Variants in CADM2 observed in about 807,000 individuals in gnomAD.
CADM2 encodes the protein immunoglobulin superfamily member 4D.
Under a neutral mutation model 49.8 loss-of-function variants are expected in CADM2, and 12 were observed. The ratio of observed to expected loss-of-function variants is 0.24; its 90% CI spans 0.15 to 0.39. The LOEUF is 0.39. CADM2 is among the 10% of genes least tolerant of loss of function. The probability of loss-of-function intolerance (pLI) is 1.00; values close to 1 mark genes in which losing one functional copy is unlikely to be tolerated. For synonymous variants in CADM2, 214 were observed against 175.4 expected, an observed-to-expected ratio of 1.22 and a Z score of -1.74; for missense variants, 378 against 492.3, an observed-to-expected ratio of 0.77 and a Z score of 2.20.
intron 1 of CADM2, among the ~76,000 whole-genome samples, chr3:85,210,722 TG>T (rs1334888393): frequency 6.6e-6 from 1 of 151,996 alleles, no homozygotes; most frequent in Non-Finnish European, 1.5e-5. Flanking sequence ...TGTACTTTTT[TG>T]TAGAGATGAG....
At chr3:85,840,917 C>G (rs2074611545) in intron 3 of CADM2, among the ~76,000 whole-genome samples, 1 of 151,470 alleles carries the variant, frequency 6.6e-6, no homozygotes, top group African/African-American at 2.4e-5. Flanking sequence ...AAAAAGAAAA[C>G]CCAAAAAATA....
At chr3:85,416,125 G>A (rs923053768) in intron 1 of CADM2, among the ~76,000 whole-genome samples, 1 of 152,000 alleles carries the variant, frequency 6.6e-6, no homozygotes. Context: ...TGAACCTTAT[G>A]CTACAAAATA....
intron 8 of CADM2, among the ~76,000 whole-genome samples, chr3:85,964,549 T>TA (rs1282716610): frequency 6.6e-6 from 1 of 151,814 alleles, no homozygotes; most frequent in African/African-American, 2.4e-5. Context: ...CATTTTGTGT[T>TA]AGAAACACTG....
intron 3 of CADM2, among the ~76,000 whole-genome samples, chr3:85,837,192 T>C (rs2074450063): frequency 6.6e-6 from 1 of 151,568 alleles, no homozygotes; most frequent in Non-Finnish European, 1.5e-5. Flanking sequence ...CTACTTCATG[T>C]GTTATAATGT....
At chr3:86,056,980 C>T (rs1347733153) in intron 8 of CADM2, among the ~76,000 whole-genome samples, 1 of 152,058 alleles carries the variant, frequency 6.6e-6, no homozygotes, top group Non-Finnish European at 1.5e-5. Flanking sequence ...TATGATGTAG[C>T]CTTAATTTAA....
intron 3 of CADM2, among the ~76,000 whole-genome samples, chr3:85,808,845 T>A (rs1452191683): frequency 3.3e-5 from 5 of 152,084 alleles, no homozygotes; most frequent in African/African-American, 1.2e-4. Flanking sequence ...CTGGGAACAA[T>A]GGAAGAGGAA....
At chr3:86,042,988 A>G (rs2107259835) in intron 8 of CADM2, among the ~76,000 whole-genome samples, 1 of 152,336 alleles carries the variant, frequency 6.6e-6, no homozygotes, top group South Asian at 2.1e-4. Flanking sequence ...CCACTTGATT[A>G]CCTCAATAGA....
At chr3:85,206,360 T>A (rs1349842591) in intron 1 of CADM2, among the ~76,000 whole-genome samples, 1 of 149,086 alleles carries the variant, frequency 6.7e-6, no homozygotes, top group Non-Finnish European at 1.5e-5. Flanking sequence ...CAGGCTGGAG[T>A]GCAGTGGCGC....
In CADM2 at chr3:85,971,682, G is replaced by A. The variant is rs77856774; in HGVS notation, c.970+10035G>A. On this transcript the variant is annotated intron_variant, in intron 8 of 9. Coordinates refer to ENST00000383699, the MANE Select transcript of CADM2 (RefSeq NM_001167675.2). ...AAGGGCTCACAATATTGAAGTAGGC[G>A]GAGCTAAATGATATAGGATAATCCA... is the stretch of plus-strand genomic sequence containing the variant. Among the ~76,000 whole-genome samples the A allele has an allele frequency of 1.2e-4, 18 of 151,628 alleles. No homozygotes were observed. The East Asian group carries it at 2.5e-3, about 21-fold the overall frequency.
In CADM2 at chr3:85,238,406, A is replaced by G. The variant is rs72915088; in HGVS notation, c.61+278738A>G. 6.4e-3 allele frequency among the ~76,000 whole-genome samples: 980 copies of G among 152,098 alleles called. 14 individuals carry two copies. Among genetic ancestry groups the G allele is most frequent in the African/African-American group, 0.022 (915 of 41,556 alleles). On this transcript the variant is annotated intron_variant, in intron 1 of 9. Transcript: ENST00000383699. ...ACGGGAAGGAAAAGCAATTGTATAG[A>G]AAATAATCTGGAAAGCAAACAGTGT... is the stretch of plus-strand genomic sequence containing the variant.
chr3:85,826,128 T>C (rs2073896812), intron 3 of CADM2, among the ~76,000 whole-genome samples: 1 of 152,016 alleles, frequency 6.6e-6, no homozygotes, highest in South Asian at 2.1e-4. Context: ...TTTATAGAAA[T>C]TCAGCATAAT....
intron 3 of CADM2, among the ~76,000 whole-genome samples, chr3:85,868,395 TG>T (rs2075799074): frequency 6.6e-6 from 1 of 152,092 alleles, no homozygotes; most frequent in Non-Finnish European, 1.5e-5. Context: ...ATACAAATTT[TG>T]GTTAAAACAG....
At chr3:85,130,815 A>T (rs2039203131) in intron 1 of CADM2, among the ~76,000 whole-genome samples, 1 of 152,222 alleles carries the variant, frequency 6.6e-6, no homozygotes, top group African/African-American at 2.4e-5. Context: ...ATAAACTCTT[A>T]TACGTAGCGT....
intron 1 of CADM2, among the ~76,000 whole-genome samples, chr3:85,049,152 G>A (rs913618509): frequency 6.6e-6 from 1 of 152,090 alleles, no homozygotes; most frequent in African/African-American, 2.4e-5. Context: ...TCAGCATTTA[G>A]ATCATTAGCG....
At chr3:85,895,999 T>C (rs1260636603) in intron 5 of CADM2, among the ~76,000 whole-genome samples, 3 of 152,206 alleles carry the variant, frequency 2.0e-5, no homozygotes, top group African/African-American at 7.2e-5. Context: ...CTTTAAAATG[T>C]TGAGGTTAAG....
intron 1 of CADM2, among the ~76,000 whole-genome samples, chr3:85,545,968 C>G (rs1346446831): frequency 1.3e-5 from 2 of 152,146 alleles, no homozygotes; most frequent in Non-Finnish European, 2.9e-5. Context: ...CATCCAGTTT[C>G]CCAGTGCAAG....
chr3:85,127,919 A>G (rs1034381096), intron 1 of CADM2, among the ~76,000 whole-genome samples: 2 of 152,182 alleles, frequency 1.3e-5, no homozygotes, highest in African/African-American at 2.4e-5. Flanking sequence ...AGTTTCTGAT[A>G]GCTGCTTGTG....
At chr3:85,364,016 A>G (rs2032558311) in intron 1 of CADM2, among the ~76,000 whole-genome samples, 1 of 152,226 alleles carries the variant, frequency 6.6e-6, no homozygotes. Context: ...ATAATATGTA[A>G]CAACAGGTAA....
intron 3 of CADM2, among the ~76,000 whole-genome samples, chr3:85,865,891 T>G (rs1308265596): frequency 6.6e-6 from 1 of 152,148 alleles, no homozygotes; most frequent in Admixed American, 6.5e-5. Context: ...AATATGACAT[T>G]TCAGTGAGAG....
Sources: allele counts gnomAD v4.1 joint callset (sites outside exome capture counted in the v4.1 genomes callset), GRCh38; gene constraint gnomAD v4.1.1; transcripts MANE v1.5; gene names NCBI Gene and HGNC (gene_info 2026-07-23, HGNC 2026-07-21).